SKAP2: variants seen among roughly 807,000 people sequenced by gnomAD.
SKAP2 encodes src kinase associated phosphoprotein 2.
A neutral mutation model predicts 54.9 loss-of-function variants in SKAP2; 28 were observed. The ratio of observed to expected loss-of-function variants is 0.51; its 90% CI spans 0.38 to 0.70. SKAP2 has a LOEUF of 0.70. SKAP2 is among the 30% of genes least tolerant of loss of function. SKAP2 has a pLI of 0.00. For synonymous variants in SKAP2, 137 were observed against 134.3 expected (o/e 1.02, Z -0.14); for missense variants, 356 against 424.1 (o/e 0.84, Z 1.41).
At chr7:26,825,710 T>G (rs890138921) in intron 4 of SKAP2, among the ~76,000 whole-genome samples, 1 of 152,104 alleles carries the variant, frequency 6.6e-6, no homozygotes, top group African/African-American at 2.4e-5. Context: ...CTAGACAGTT[T>G]TAACATTTAT....
chr7:26,784,924 G>C (rs1246872820), intron 4 of SKAP2, among the ~76,000 whole-genome samples: 2 of 152,056 alleles, frequency 1.3e-5, no homozygotes, highest in Non-Finnish European at 2.9e-5. Context: ...AGAGGGGTGG[G>C]AAGCTGATAT....
intron 4 of SKAP2, among the ~76,000 whole-genome samples, chr7:26,791,048 T>TA (rs2127981543): frequency 7.1e-6 from 1 of 141,692 alleles, no homozygotes; most frequent in African/African-American, 2.6e-5. Context: ...TTGTTTTAAT[T>TA]TAAAAAAAAT....
chr7:26,694,334 T>C (rs879526591), intron 9 of SKAP2, among the ~76,000 whole-genome samples: 1 of 152,200 alleles, frequency 6.6e-6, no homozygotes, highest in East Asian at 1.9e-4. Flanking sequence ...AGCAATCATA[T>C]TGCAAACCTG....
At chr7:26,854,924 T>C (rs763858137) in intron 1 of SKAP2, 34 bp from the exon 2 acceptor site, 2 of 1,433,694 alleles carry the variant, frequency 1.4e-6, no homozygotes, top group Non-Finnish European at 1.9e-6. Flanking sequence ...AGGATACAAA[T>C]TATAAGAAAT....
At chr7:26,692,404 G>A (rs1337934464) in intron 9 of SKAP2, among the ~76,000 whole-genome samples, 1 of 152,122 alleles carries the variant, frequency 6.6e-6, no homozygotes, top group Non-Finnish European at 1.5e-5. Flanking sequence ...AGAGCAGTCA[G>A]GACTACAGGT....
At chr7:26,782,049 A>G (rs1783435844) in intron 4 of SKAP2, among the ~76,000 whole-genome samples, 1 of 152,312 alleles carries the variant, frequency 6.6e-6, no homozygotes, top group East Asian at 1.9e-4. Flanking sequence ...TGTGATTAGT[A>G]TCTATTTTCT....
At chr7:26,831,855 G>A (rs746375608) in intron 4 of SKAP2, among the ~76,000 whole-genome samples, 1 of 152,036 alleles carries the variant, frequency 6.6e-6, no homozygotes, top group African/African-American at 2.4e-5. Flanking sequence ...TGAAGCCAGA[G>A]CCAAAACTTT....
At chr7:26,779,075 A>G (rs749356619) in intron 4 of SKAP2, among the ~76,000 whole-genome samples, 1 of 152,056 alleles carries the variant, frequency 6.6e-6, no homozygotes, top group Non-Finnish European at 1.5e-5. Flanking sequence ...ATTTTTAAAG[A>G]TATTTTTCAT....
intron 11 of SKAP2, among the ~76,000 whole-genome samples, chr7:26,673,642 G>T (rs1415268530): frequency 6.6e-6 from 1 of 151,988 alleles, no homozygotes; most frequent in Non-Finnish European, 1.5e-5. Flanking sequence ...ATGTAGTGTG[G>T]CAATCAAAGA....
rs149896450 is a variant in SKAP2, at chr7:26,843,661, G to T, written c.307+369C>A. 8.1e-3 allele frequency among the ~76,000 whole-genome samples: 1,233 copies of T among 151,792 alleles called. 16 individuals are homozygous for T. Among genetic ancestry groups the T allele is most frequent in the African/African-American group, 0.028 (1,172 of 41,460 alleles). ...TGTATAAAGTTTTCAGAAAAAAATA[G>T]ATCAAAAATCTTTTTTATTATTTAT... On this transcript the variant is annotated intron_variant, in intron 4 of 12. Transcript: ENST00000345317.
intron 6 of SKAP2, among the ~76,000 whole-genome samples, chr7:26,735,673 A>G (rs1216473391): frequency 6.6e-6 from 1 of 152,228 alleles, no homozygotes; most frequent in Non-Finnish European, 1.5e-5. Context: ...GGAGGATTAT[A>G]GTTCTCATAT....
At chr7:26,849,886 C>T (rs1264238024) in intron 3 of SKAP2, among the ~76,000 whole-genome samples, 2 of 152,098 alleles carry the variant, frequency 1.3e-5, no homozygotes, top group Non-Finnish European at 2.9e-5. Flanking sequence ...TGAGAATATG[C>T]ATTAATATTT....
intron 4 of SKAP2, among the ~76,000 whole-genome samples, chr7:26,813,859 G>T (rs1487811261): frequency 6.6e-6 from 1 of 152,138 alleles, no homozygotes; most frequent in Non-Finnish European, 1.5e-5. Context: ...TATGTAATTT[G>T]CCACAGAAAG....
intron 11 of SKAP2, among the ~76,000 whole-genome samples, chr7:26,676,722 A>G (rs968751532): frequency 6.6e-6 from 1 of 152,222 alleles, no homozygotes; most frequent in Non-Finnish European, 1.5e-5. Context: ...TACCTCAAGA[A>G]GTTCAAAGTT....
intron 4 of SKAP2, among the ~76,000 whole-genome samples, chr7:26,840,932 A>G (rs915906879): frequency 6.6e-6 from 1 of 152,118 alleles, no homozygotes; most frequent in Non-Finnish European, 1.5e-5. Context: ...AAACATAAGA[A>G]GCATTTCCAA....
chr7:26,748,009 G>A (rs1229722877), intron 4 of SKAP2, among the ~76,000 whole-genome samples: 1 of 152,058 alleles, frequency 6.6e-6, no homozygotes, highest in East Asian at 1.9e-4. Context: ...TAGTATATGT[G>A]AATTATATGA....
intron 6 of SKAP2, among the ~76,000 whole-genome samples, chr7:26,732,220 G>A (rs866685240): frequency 6.6e-6 from 1 of 152,230 alleles, no homozygotes; most frequent in East Asian, 1.9e-4. Flanking sequence ...ATCAAGAGAG[G>A]GTTCAGAATC....
chr7:26,759,996 GTGA>G (rs1299905085), intron 4 of SKAP2, among the ~76,000 whole-genome samples: 4 of 152,224 alleles, frequency 2.6e-5, no homozygotes, highest in Non-Finnish European at 5.9e-5. Flanking sequence ...ACACTGAAAA[GTGA>G]TGAACAATAC....
At chr7:26,831,764 T>A (rs1032228786) in intron 4 of SKAP2, among the ~76,000 whole-genome samples, 1 of 152,114 alleles carries the variant, frequency 6.6e-6, no homozygotes, top group Non-Finnish European at 1.5e-5. Context: ...CCAGGCAGTA[T>A]GTTCTTAACT....
Sources: allele counts gnomAD v4.1 joint callset (sites outside exome capture counted in the v4.1 genomes callset), GRCh38; gene constraint gnomAD v4.1.1; transcripts MANE v1.5; gene names NCBI Gene and HGNC (gene_info 2026-07-23, HGNC 2026-07-21).